The following PHKB variants were observed in gnomAD, a reference collection of about 807,000 sequenced individuals.
PHKB encodes the protein phosphorylase b kinase regulatory subunit beta.
In PHKB, 122 loss-of-function variants were observed where a neutral mutation model predicts 152.1. The ratio of observed to expected loss-of-function variants is 0.80; its 90% CI spans 0.69 to 0.93. PHKB has a LOEUF of 0.93. Among genes scored for constraint, PHKB ranks in the 40% least tolerant of loss-of-function variants. PHKB has a pLI of 0.00. For synonymous variants in PHKB, 436 were observed against 464.9 expected, an observed-to-expected ratio of 0.94 and a Z score of 0.80; for missense variants, 1,304 against 1,328.4, an observed-to-expected ratio of 0.98 and a Z score of 0.29.
intron 13 of PHKB, among the ~76,000 whole-genome samples, chr16:47,600,983 G>A (rs539740287): frequency 1.8e-4 from 28 of 152,188 alleles, no homozygotes; most frequent in African/African-American, 6.7e-4. Flanking sequence ...GGTGTGTGCC[G>A]CCACGCCTGG....
At chr16:47,636,546 A>G (rs777289068) in intron 14 of PHKB, among the ~76,000 whole-genome samples, 1 of 152,022 alleles carries the variant, frequency 6.6e-6, no homozygotes, top group Non-Finnish European at 1.5e-5. Context: ...CCCATTCCCC[A>G]CTCCCAGCAC....
Position 47,587,757 on chromosome 16 carries a change from A to T in PHKB, c.864A>T (p.Arg288Ser). The T allele has an allele frequency of 4.4e-6, 7 of 1,602,000 alleles. No individual in the cohort carries two copies. The highest frequency in any genetic ancestry group is 6.0e-6 in the Non-Finnish European group (7 of 1,169,014). ...GCTCGCTGTTACCCAGAGAATCAAG[A>T]TCACATGTGAGACATTTAATAATGA... is the stretch of plus-strand genomic sequence containing the variant. The part of the protein sequence containing the change: ...TLCSLLPRES[R>S]SHNTDAALLP... The change falls in exon 9 of 31, where the codon AGA becomes AGT. Residue 288 changes from arginine (R) to serine (S), a missense_variant. By Grantham distance (110) the Arg-to-Ser change is moderately radical. Coordinates refer to ENST00000323584, the MANE Select transcript of PHKB (RefSeq NM_000293.3).
At position 47,515,595 on chromosome 16, in the gene PHKB, T is replaced by A; in HGVS notation, c.588T>A (p.Thr196=). 1 of 1,336,792 alleles carries A rather than the reference T, an allele frequency of 7.5e-7. No individual in the cohort carries two copies. Among genetic ancestry groups the A allele is most frequent in the Non-Finnish European group, 1.1e-6 (1 of 927,662 alleles). The allele number at this position is 1,336,792 out of a possible 1,614,324, so 82.8% of individuals were successfully genotyped here. Residue 196 remains threonine (T), a synonymous_variant, in exon 6 of 31, where the codon ACT becomes ACA. Transcript: ENST00000323584. ...ISSGLQIIYN[T]DEVSFIQNLV... ...CAGGACTCCAGATTATCTACAACAC[T>A]GATGAGGTATGCTTTCCCCAAATTT...
intron 9 of PHKB, among the ~76,000 whole-genome samples, 193 bp downstream of exon 9, chr16:47,587,956 G>A (rs953213868): frequency 6.6e-6 from 1 of 152,208 alleles, no homozygotes; most frequent in Non-Finnish European, 1.5e-5. Context: ...TTGTGGACAC[G>A]GCTGCTTTGG....
intron 16 of PHKB, among the ~76,000 whole-genome samples, chr16:47,643,353 C>T (rs958065071): frequency 5.3e-5 from 8 of 152,180 alleles, no homozygotes; most frequent in African/African-American, 1.7e-4. Flanking sequence ...ACTTTGATAA[C>T]TGTTATAATA....
At chr16:47,462,951 T>A (rs761700323) in intron 1 of PHKB, 1 of 152,610 alleles carries the variant, frequency 6.6e-6, no homozygotes, top group Non-Finnish European at 1.5e-5. Context: ...AATAGTCACA[T>A]GTATTTGTTT....
At chr16:47,531,159 C>T (rs1233926237) in intron 6 of PHKB, among the ~76,000 whole-genome samples, 1 of 152,196 alleles carries the variant, frequency 6.6e-6, no homozygotes, top group African/African-American at 2.4e-5. Context: ...CCTCCCGACA[C>T]ACACATACGT....
intron 6 of PHKB, among the ~76,000 whole-genome samples, chr16:47,530,090 A>T (rs1970835105): frequency 6.6e-6 from 1 of 150,626 alleles, no homozygotes; most frequent in South Asian, 2.1e-4. Flanking sequence ...CAGACCCTTT[A>T]GTTTGAGGGA....
chr16:47,642,898 C>T (rs936656659), intron 16 of PHKB, among the ~76,000 whole-genome samples: 4 of 152,096 alleles, frequency 2.6e-5, no homozygotes, highest in African/African-American at 4.8e-5. Context: ...AGGCAAGGAG[C>T]GGAGGCAACG....
chr16:47,586,925 T>C (rs1038560360), intron 8 of PHKB, among the ~76,000 whole-genome samples: 2 of 152,068 alleles, frequency 1.3e-5, no homozygotes, highest in Non-Finnish European at 2.9e-5. Context: ...GAAATATATA[T>C]ATGTGTGTGT....
intron 14 of PHKB, among the ~76,000 whole-genome samples, chr16:47,633,589 G>A (rs538328211): frequency 1.8e-4 from 27 of 152,288 alleles, no homozygotes; most frequent in African/African-American, 6.0e-4. Flanking sequence ...GGGGAGTTTG[G>A]GAGGAGACTA....
chr16:47,534,781 G>C (rs527829418), intron 6 of PHKB, among the ~76,000 whole-genome samples: 9 of 152,314 alleles, frequency 5.9e-5, no homozygotes. Context: ...CTGTGCTATG[G>C]TGCTTTAAGA....
intron 14 of PHKB, among the ~76,000 whole-genome samples, chr16:47,633,724 A>G (rs1972867052): frequency 6.6e-6 from 1 of 152,222 alleles, no homozygotes; most frequent in African/African-American, 2.4e-5. Flanking sequence ...GAGTACTCTA[A>G]AACAGATGGG....
intron 6 of PHKB, among the ~76,000 whole-genome samples, chr16:47,532,327 G>A (rs901780792): frequency 6.6e-6 from 1 of 152,180 alleles, no homozygotes; most frequent in Non-Finnish European, 1.5e-5. Context: ...CCAGTTCAGC[G>A]TTTAGATGAT....
chr16:47,548,955 T>TA (rs761971797), intron 7 of PHKB, among the ~76,000 whole-genome samples: 6 of 152,164 alleles, frequency 3.9e-5, no homozygotes, highest in Non-Finnish European at 7.4e-5. Flanking sequence ...TAATAAAAAA[T>TA]AAAAAATATT....
chr16:47,630,630 G>C (rs1052139865), intron 14 of PHKB, among the ~76,000 whole-genome samples: 1 of 152,190 alleles, frequency 6.6e-6, no homozygotes, highest in Non-Finnish European at 1.5e-5. Flanking sequence ...GCATGTTCCT[G>C]CACCCATGTG....
At chr16:47,650,103 T>C (rs1973207845) in intron 18 of PHKB, among the ~76,000 whole-genome samples, 1 of 151,918 alleles carries the variant, frequency 6.6e-6, no homozygotes, top group Non-Finnish European at 1.5e-5. Flanking sequence ...TCTTGAACTG[T>C]ATTTTGTAGG....
At chr16:47,598,529 C>A in intron 13 of PHKB, 2 of 628,602 alleles carry the variant, frequency 3.2e-6, no homozygotes, top group Admixed American at 3.0e-5. Context: ...TTTTAACACT[C>A]TCCTACATAT....
intron 27 of PHKB, among the ~76,000 whole-genome samples, chr16:47,692,418 C>G (rs534441503): frequency 6.6e-6 from 1 of 152,096 alleles, no homozygotes; most frequent in Non-Finnish European, 1.5e-5. Context: ...GAGCTCAAGA[C>G]CAGCCTGGAC....
Sources: allele counts gnomAD v4.1 joint callset (sites outside exome capture counted in the v4.1 genomes callset), GRCh38; gene constraint gnomAD v4.1.1; transcripts MANE v1.5; gene names NCBI Gene and HGNC (gene_info 2026-07-23, HGNC 2026-07-21).